Variants in PCDHGA2 observed in about 807,000 individuals in gnomAD.
PCDHGA2 encodes the protein protocadherin gamma-A2.
A neutral mutation model predicts 59.2 loss-of-function variants in PCDHGA2; 40 were observed. The ratio of observed to expected loss-of-function variants is 0.68; its 90% CI spans 0.52 to 0.88. PCDHGA2 has a LOEUF of 0.88. Among genes scored for constraint, PCDHGA2 ranks in the 40% least tolerant of loss-of-function variants. The pLI is 0.00. For synonymous variants in PCDHGA2, 560 were observed against 526.0 expected (o/e 1.06, Z -0.89); for missense variants, 1,226 against 1,204.0 (o/e 1.02, Z -0.27).
intron 1 of PCDHGA2, chr5:141,365,220 A>G (rs777231006): frequency 6.2e-7 from 1 of 1,613,958 alleles, no homozygotes; most frequent in East Asian, 2.2e-5. Flanking sequence ...CTTGATTCCA[A>G]CCTGGGGGAA....
intron 1 of PCDHGA2, among the ~76,000 whole-genome samples, chr5:141,474,294 G>A (rs535055214): frequency 1.3e-5 from 2 of 152,296 alleles, no homozygotes; most frequent in African/African-American, 4.8e-5. Context: ...CTAGATCAGT[G>A]CTTGTCAAAC....
chr5:141,403,595 T>G (rs2094430008), intron 1 of PCDHGA2: 1 of 1,613,824 alleles, frequency 6.2e-7, no homozygotes, highest in East Asian at 2.2e-5. Flanking sequence ...CCTCACGGCC[T>G]CGGATGGCGG....
In PCDHGA2 at chr5:141,476,886, C is replaced by T; in HGVS notation, c.2425-17921C>T. ...TACCGGGCGCGCGTCCTGGAGGATG[C>T]ACCCTCCGGCACGCGCGTGGTACAA... On this transcript the variant is annotated intron_variant, in intron 1 of 3. Transcript: ENST00000394576. This position sits in a 1 kb window ranked among gnomAD's most constrained non-coding sequence, Gnocchi z 7.6. The T allele has an allele frequency of 9.9e-6, 16 of 1,613,924 alleles. No individual in the cohort carries two copies. Among genetic ancestry groups the T allele is most frequent in the Non-Finnish European group, 1.4e-5 (16 of 1,180,032 alleles).
rs755322315 is a variant in PCDHGA2, at chr5:141,339,578, G to A, written c.607G>A (p.Glu203Lys). 2 of 1,614,086 alleles carry A rather than the reference G, an allele frequency of 1.2e-6. No homozygotes were observed. The highest frequency in any genetic ancestry group is 1.3e-5 in the African/African-American group (1 of 74,936). ...ELVLERSLDR[E>K]EEAVHHLVLV... ...GGTGCTGGAGCGCTCTCTGGACCGC[G>A]AGGAAGAGGCTGTTCACCACCTCGT... The change falls in exon 1 of 4, where the codon GAG becomes AAG. Residue 203 changes from glutamate to lysine, a missense_variant. Transcript: ENST00000394576.
rs201424832 is a variant in PCDHGA2 at position 141,490,802 on chromosome 5, C to T, written c.2425-4005C>T. On this transcript the variant is annotated intron_variant, in intron 1 of 3. Transcript: ENST00000394576. This position sits in a 1 kb window ranked among gnomAD's most constrained non-coding sequence, Gnocchi z 5.4. Reference sequence around the variant, plus strand: ...GATGGACGGATCTTTGCCCAGCGTACCTTTGACTATGAATTGCTGCAGATG... The same window carrying T: ...GATGGACGGATCTTTGCCCAGCGTATCTTTGACTATGAATTGCTGCAGATG... 1 of 1,613,944 alleles carries T rather than the reference C, an allele frequency of 6.2e-7. No homozygotes were observed. Among genetic ancestry groups the T allele is most frequent in the East Asian group, 2.2e-5 (1 of 44,886 alleles).
rs992096722 is a variant in PCDHGA2, at chr5:141,413,506, A to G, written c.2424+72111A>G. 3 of 1,613,910 alleles carry G rather than the reference A, an allele frequency of 1.9e-6. No individual in the cohort carries two copies. The highest frequency in any genetic ancestry group is 2.7e-5 in the African/African-American group (2 of 74,954). On this transcript the variant is annotated intron_variant, in intron 1 of 3. Coordinates refer to ENST00000394576, the MANE Select transcript of PCDHGA2 (RefSeq NM_018915.4). ...GAGCGCGCGGTGCGTGGTGAGTTTT[A>G]ATATCCTTGTGGAAGACAGGGTGAA... is the stretch of plus-strand genomic sequence containing the variant.
At chr5:141,403,612 G>A (rs1314297922) in intron 1 of PCDHGA2, 1 of 1,613,854 alleles carries the variant, frequency 6.2e-7, no homozygotes, top group Non-Finnish European at 8.5e-7. Flanking sequence ...GCGGCGAGCC[G>A]CGTCGCTCCA....
Position 141,481,350 on chromosome 5 carries a change from T to C in PCDHGA2, c.2425-13457T>C, listed in dbSNP as rs901892475. Among the ~76,000 whole-genome samples, 4 of 152,248 alleles carry C rather than the reference T, an allele frequency of 2.6e-5. No homozygotes were observed. The South Asian group carries it at 8.3e-4, about 32-fold the overall frequency. On this transcript the variant is annotated intron_variant, in intron 1 of 3. Coordinates refer to ENST00000394576, the MANE Select transcript of PCDHGA2 (RefSeq NM_018915.4). The stretch of plus-strand genomic sequence containing the variant: ...CCTGGACAACTATTATTTAAACATC[T>C]ACAGCTGTTCAATAGATATTGGGTT...
At chr5:141,372,380 A>G in intron 1 of PCDHGA2, 1 of 1,613,964 alleles carries the variant, frequency 6.2e-7, no homozygotes, top group Non-Finnish European at 8.5e-7. Context: ...TGCTGCACCT[A>G]ATCTTCGCAG....
At chr5:141,433,235 C>T (rs1307904588) in intron 1 of PCDHGA2, 13 of 1,509,616 alleles carry the variant, frequency 8.6e-6, no homozygotes, top group Non-Finnish European at 1.1e-5. Context: ...GCTCTGTCTC[C>T]CAAGCTGGAA....
intron 1 of PCDHGA2, among the ~76,000 whole-genome samples, chr5:141,466,036 G>C (rs981390655): frequency 1.3e-5 from 2 of 152,064 alleles, no homozygotes; most frequent in Non-Finnish European, 2.9e-5. Context: ...GCAGGAGAAC[G>C]GCATGAACCC....
At position 141,433,052 on chromosome 5, in the gene PCDHGA2, A is replaced by G. The variant is rs757503771; in HGVS notation, c.2425-61755A>G. The G allele has an allele frequency of 3.1e-6, 5 of 1,614,178 alleles. No individual in the cohort carries two copies. In the Admixed American group the frequency reaches 8.3e-5, roughly 27 times the overall value. ...GGTTTCCCTCACCACGGACTCGCGG[A>G]AGAGTCACCTGATCTTCCCCCAGCC... On this transcript the variant is annotated intron_variant, in intron 1 of 3. Transcript: ENST00000394576.
chr5:141,421,348 G>C lies in PCDHGA2; in HGVS notation c.2425-73459G>C, dbSNP rs202220769. On this transcript the variant is annotated intron_variant, in intron 1 of 3. Coordinates refer to ENST00000394576, the MANE Select transcript of PCDHGA2 (RefSeq NM_018915.4). ...CCGATATTCGGTGCCAGAAGAGACC[G>C]AAAAGGGCTCCTTCGTGGGCAATAT... 9.1e-5 allele frequency: 147 copies of C among 1,613,862 alleles called. No individual in the cohort carries two copies. Among genetic ancestry groups the C allele is most frequent in the Non-Finnish European group, 1.1e-4 (125 of 1,179,904 alleles).
chr5:141,356,522 A>C, intron 1 of PCDHGA2: 1 of 1,613,734 alleles, frequency 6.2e-7, no homozygotes, highest in Non-Finnish European at 8.5e-7. Flanking sequence ...ATTTCACTGC[A>C]AGTGATGGAC....
chr5:141,355,478 A>G, intron 1 of PCDHGA2: 1 of 1,614,082 alleles, frequency 6.2e-7, no homozygotes, highest in African/African-American at 1.3e-5. Context: ...ATAGACAGGG[A>G]GGAGCTCTGC....
chr5:141,496,144 T>C (rs1478887814), intron 2 of PCDHGA2, among the ~76,000 whole-genome samples: 1 of 151,780 alleles, frequency 6.6e-6, no homozygotes, highest in Non-Finnish European at 1.5e-5. Context: ...GAGCCTTTGA[T>C]CGCAGCTCTC....
chr5:141,392,897 G>T (rs2150498343), intron 1 of PCDHGA2: 6 of 1,613,776 alleles, frequency 3.7e-6, no homozygotes, highest in Non-Finnish European at 5.1e-6. Flanking sequence ...AAATCGGGAG[G>T]GGACAGATTC....
intron 3 of PCDHGA2, among the ~76,000 whole-genome samples, 153 bp from the exon 4 acceptor site, chr5:141,510,790 GAAGA>G (rs982513431): frequency 6.6e-5 from 10 of 152,264 alleles, no homozygotes; most frequent in African/African-American, 2.4e-4. Context: ...CAACTCTTGT[GAAGA>G]GAGACTACCT....
In PCDHGA2 at chr5:141,486,805, C is replaced by A; in HGVS notation, c.2425-8002C>A. On this transcript the variant is annotated intron_variant, in intron 1 of 3. Transcript: ENST00000394576. The surrounding 1 kb of genome is among the most constrained non-coding windows in gnomAD (Gnocchi z 5.0). ...AGGCCCGGGATCGGGGCAACCCACC[C>A]CTTAGCAGCACTGTAACAGTTCGTC... 1.2e-6 allele frequency: 2 copies of A among 1,614,242 alleles called. No homozygotes were observed. Among genetic ancestry groups the A allele is most frequent in the Admixed American group, 1.7e-5 (1 of 60,034 alleles).
Sources: gnomAD v4.1 joint callset for allele counts (sites outside exome capture counted in the v4.1 genomes callset) on GRCh38, gnomAD v4.1.1 for gene constraint, Gnocchi (gnomAD v3.1) non-coding constraint, MANE v1.5 for transcripts, NCBI Gene and HGNC (gene_info 2026-07-23, HGNC 2026-07-21) for gene names.